Variants in GUCY1A2 observed in about 807,000 individuals in gnomAD.
GUCY1A2 encodes the protein guanylate cyclase soluble subunit alpha-2.
Under a neutral mutation model 63.5 loss-of-function variants are expected in GUCY1A2, and 27 were observed. That is an observed-to-expected ratio of 0.43 (90% CI 0.31 to 0.59). The LOEUF (loss-of-function observed/expected upper bound fraction) is 0.59, where lower values mean the gene tolerates loss of function less well. GUCY1A2 is among the 20% of genes least tolerant of loss of function. The probability of loss-of-function intolerance (pLI) is 0.11; values close to 1 mark genes in which losing one functional copy is unlikely to be tolerated. For synonymous variants in GUCY1A2, 364 were observed against 343.5 expected, an observed-to-expected ratio of 1.06 and a Z score of -0.66; for missense variants, 768 against 913.3, an observed-to-expected ratio of 0.84 and a Z score of 2.05.
intron 6 of GUCY1A2, among the ~76,000 whole-genome samples, chr11:106,712,397 A>G (rs1260660012): frequency 1.3e-5 from 2 of 152,196 alleles, no homozygotes; most frequent in African/African-American, 4.8e-5. Flanking sequence ...GCTTTTGAAA[A>G]TATGGAATAC....
intron 1 of GUCY1A2, among the ~76,000 whole-genome samples, chr11:106,993,383 C>T (rs1164833173): frequency 6.6e-6 from 1 of 152,178 alleles, no homozygotes; most frequent in African/African-American, 2.4e-5. Context: ...GACTTTATCA[C>T]TAAAACTAAT....
Position 106,869,424 on chromosome 11 carries a change from C to G in GUCY1A2, c.1207-58946G>C, listed in dbSNP as rs375844569. On this transcript the variant is annotated intron_variant, in intron 4 of 7. Coordinates refer to ENST00000526355, the MANE Select transcript of GUCY1A2 (RefSeq NM_000855.3). ...AACAAATTTACAAGAAAAAAACAAA[C>G]AACCCCATCAACAAGGGGCAAAGGA... is the stretch of plus-strand genomic sequence containing the variant. Among the ~76,000 whole-genome samples the G allele has an allele frequency of 1.1e-4, 16 of 152,272 alleles. No individual in the cohort carries two copies. In the East Asian group the frequency reaches 1.5e-3, roughly 15 times the overall value.
At chr11:106,709,858 A>C (rs942643572) in intron 6 of GUCY1A2, among the ~76,000 whole-genome samples, 4 of 129,594 alleles carry the variant, frequency 3.1e-5, no homozygotes, top group Admixed American at 8.2e-5. Context: ...GTTATATATT[A>C]TATACACGTA....
chr11:106,776,308 T>A (rs1864356227), intron 6 of GUCY1A2, 131 bp downstream of exon 6: 1 of 664,430 alleles, frequency 1.5e-6, no homozygotes, highest in Non-Finnish European at 2.6e-6. Context: ...CTCTAGTCAC[T>A]CCTTGTCCTC....
chr11:106,781,213 G>A (rs1210606826), intron 5 of GUCY1A2, among the ~76,000 whole-genome samples: 2 of 150,886 alleles, frequency 1.3e-5, no homozygotes, highest in African/African-American at 4.9e-5. Context: ...AAATACAACA[G>A]ACACAGTTTA....
intron 6 of GUCY1A2, among the ~76,000 whole-genome samples, chr11:106,730,771 A>G (rs1591251811): frequency 6.6e-6 from 1 of 152,192 alleles, no homozygotes; most frequent in Non-Finnish European, 1.5e-5. Flanking sequence ...CAACCTCGCC[A>G]GTAGCTGTTA....
intron 6 of GUCY1A2, among the ~76,000 whole-genome samples, chr11:106,712,916 A>T (rs1863145155): frequency 6.6e-6 from 1 of 152,144 alleles, no homozygotes; most frequent in Non-Finnish European, 1.5e-5. Context: ...ACATATGTGC[A>T]CTAATCACTA....
intron 5 of GUCY1A2, among the ~76,000 whole-genome samples, chr11:106,789,348 A>G (rs767227871): frequency 3.3e-5 from 5 of 152,026 alleles, no homozygotes; most frequent in Non-Finnish European, 7.4e-5. Flanking sequence ...AATTATTTCA[A>G]TTTCTTTGTT....
intron 4 of GUCY1A2, among the ~76,000 whole-genome samples, chr11:106,896,279 A>C (rs947970959): frequency 3.9e-5 from 6 of 152,040 alleles, no homozygotes; most frequent in African/African-American, 1.2e-4. Flanking sequence ...CGTCAATTAA[A>C]TCTCTCAGTA....
chr11:106,893,940 T>C (rs771491862), intron 4 of GUCY1A2, among the ~76,000 whole-genome samples: 8 of 152,148 alleles, frequency 5.3e-5, no homozygotes, highest in Non-Finnish European at 5.9e-5. Context: ...CAGTGAATAC[T>C]AGAGGAAAAT....
At chr11:106,781,479 T>C (rs1402407330) in intron 5 of GUCY1A2, among the ~76,000 whole-genome samples, 2 of 152,230 alleles carry the variant, frequency 1.3e-5, no homozygotes, top group Admixed American at 6.5e-5. Context: ...GTTTATCTTT[T>C]CTCAAAACTT....
chr11:106,727,453 T>C (rs1863426364), intron 6 of GUCY1A2, among the ~76,000 whole-genome samples: 1 of 152,194 alleles, frequency 6.6e-6, no homozygotes, highest in Non-Finnish European at 1.5e-5. Flanking sequence ...GAACATGTGA[T>C]GGATGACATG....
In GUCY1A2 at chr11:106,682,785, G is replaced by T; in HGVS notation, c.*4764C>A. On this transcript the variant is annotated 3_prime_UTR_variant, in exon 8 of 8. Coordinates refer to ENST00000526355, the MANE Select transcript of GUCY1A2 (RefSeq NM_000855.3). ...CTGTGATACTTCCTGTGTTATAAAT[G>T]TATCAGTGACCTTTTTTAATTAAAG... is the stretch of plus-strand genomic sequence containing the variant. 1 of 211,022 alleles carries T rather than the reference G, an allele frequency of 4.7e-6. No individual in the cohort carries two copies. Among genetic ancestry groups the T allele is most frequent in the Non-Finnish European group, 9.6e-6 (1 of 103,952 alleles). The allele number at this position is 211,022 out of a possible 1,614,324, so 13.1% of individuals were successfully genotyped here. A position where few individuals can be genotyped will look rare whatever the true frequency, so the allele number is the denominator to read the frequency against.
intron 4 of GUCY1A2, among the ~76,000 whole-genome samples, chr11:106,889,550 C>G (rs963079185): frequency 6.6e-6 from 1 of 152,170 alleles, no homozygotes; most frequent in Non-Finnish European, 1.5e-5. Context: ...ATTACAGGAC[C>G]TTTGAAACCT....
At chr11:106,765,967 G>A (rs1015670792) in intron 6 of GUCY1A2, among the ~76,000 whole-genome samples, 4 of 152,220 alleles carry the variant, frequency 2.6e-5, no homozygotes, top group African/African-American at 9.6e-5. Context: ...TACACACAAG[G>A]TGACAATTTC....
chr11:106,902,727 T>G (rs1860151091), intron 4 of GUCY1A2, among the ~76,000 whole-genome samples: 1 of 152,220 alleles, frequency 6.6e-6, no homozygotes, highest in Admixed American at 6.5e-5. Context: ...AAAAACCTGT[T>G]TCTGTACTGA....
chr11:106,789,373 G>T (rs1428226933), intron 5 of GUCY1A2, among the ~76,000 whole-genome samples: 1 of 152,192 alleles, frequency 6.6e-6, no homozygotes, highest in Non-Finnish European at 1.5e-5. Context: ...GTACCTGACA[G>T]AATTCTGAAT....
At chr11:106,754,415 G>A (rs1246460290) in intron 6 of GUCY1A2, among the ~76,000 whole-genome samples, 4 of 152,206 alleles carry the variant, frequency 2.6e-5, no homozygotes, top group South Asian at 4.1e-4. Flanking sequence ...GGTGAGAGAG[G>A]GCATCCCTGT....
At chr11:106,769,628 C>CT (rs1255366008) in intron 6 of GUCY1A2, among the ~76,000 whole-genome samples, 3 of 152,076 alleles carry the variant, frequency 2.0e-5, no homozygotes, top group African/African-American at 7.2e-5. Flanking sequence ...ATATATCTAT[C>CT]TAGTCCTAAG....
Sources: gnomAD v4.1 joint callset for allele counts (sites outside exome capture counted in the v4.1 genomes callset) on GRCh38, gnomAD v4.1.1 for gene constraint, MANE v1.5 for transcripts, NCBI Gene and HGNC (gene_info 2026-07-23, HGNC 2026-07-21) for gene names.